Variants in PASD1 observed in about 807,000 individuals in gnomAD.
PASD1 encodes PAS domain containing repressor 1, also known as circadian clock protein PASD1.
PASD1 carries 13 observed loss-of-function variants against 58.8 expected under a neutral mutation model. The observed-to-expected ratio is 0.22, with a 90% CI of 0.14 to 0.35. The LOEUF (loss-of-function observed/expected upper bound fraction) is 0.35, where lower values mean the gene tolerates loss of function less well. Ranked by LOEUF, PASD1 falls within the 10% of genes least tolerant of loss-of-function variation. The probability of loss-of-function intolerance (pLI) is 1.00; values close to 1 mark genes in which losing one functional copy is unlikely to be tolerated. For missense variants in PASD1, 734 were observed against 568.3 expected (o/e 1.29, Z -2.96); for synonymous variants, 236 against 216.7 (o/e 1.09, Z -0.78).
chrX:151,625,412 C>A, intron 7 of PASD1, 36 bp from the exon 8 acceptor site: 1 of 1,056,169 alleles, frequency 9.5e-7, no homozygotes, highest in African/African-American at 1.8e-5. Flanking sequence ...TATTTATATA[C>A]ATATTAAATG....
intron 9 of PASD1, among the ~76,000 whole-genome samples, chrX:151,651,263 T>C (rs778952617): frequency 6.2e-5 from 7 of 112,245 alleles, no homozygotes; most frequent in Admixed American, 9.4e-5. Context: ...CTTCTCTTAA[T>C]GATGAGTGTA....
At chrX:151,650,606 A>G (rs1248495372) in intron 9 of PASD1, among the ~76,000 whole-genome samples, 1 of 111,774 alleles carries the variant, frequency 8.9e-6, no homozygotes, top group East Asian at 2.8e-4. Flanking sequence ...ATAATATTCC[A>G]TGAAATTGTG....
At chrX:151,644,016 G>A (rs2014028622) in intron 8 of PASD1, among the ~76,000 whole-genome samples, 1 of 111,464 alleles carries the variant, frequency 9.0e-6, no homozygotes, top group African/African-American at 3.3e-5. Context: ...AGATTATTGA[G>A]GGTGATGATG....
intron 1 of PASD1, 43 bp from the exon 2 acceptor site, chrX:151,601,484 T>C (rs2013415133): frequency 1.9e-6 from 2 of 1,032,063 alleles, no homozygotes; most frequent in African/African-American, 3.7e-5. Flanking sequence ...TGATTCACCA[T>C]AGACTGATCT....
intron 4 of PASD1, among the ~76,000 whole-genome samples, chrX:151,612,475 C>G (rs1206952512): frequency 1.8e-5 from 2 of 109,841 alleles, no homozygotes; most frequent in African/African-American, 6.6e-5. Context: ...CTCTCCAGCA[C>G]CTGTCGTTTC....
At chrX:151,627,863 C>T (rs1410502180) in intron 8 of PASD1, among the ~76,000 whole-genome samples, 2 of 111,379 alleles carry the variant, frequency 1.8e-5, no homozygotes, top group Non-Finnish European at 3.8e-5. Flanking sequence ...CTCTCCAGCA[C>T]CTGTTCTTTC....
Position 151,674,067 on chromosome X carries a change from C to G in PASD1, c.2056C>G (p.Pro686Ala). Residue 686 changes from proline (P) to alanine (A), a missense_variant, in exon 15 of 16, where the codon CCA becomes GCA. Transcript: ENST00000370357. ...CTCAACCATAAGCACCCTGGAGACC[C>G]CACAGGATTACATCCGGCTTTGGCA... is the stretch of plus-strand genomic sequence containing the variant. ...SDSTISTLET[P>A]QDYIRLWQEL... 1 of 1,211,889 alleles carries G rather than the reference C, an allele frequency of 8.3e-7. No individual in the cohort carries two copies. Among genetic ancestry groups the G allele is most frequent in the Non-Finnish European group, 1.1e-6 (1 of 895,415 alleles).
chrX:151,631,313 G>A (rs1437768880), intron 8 of PASD1, among the ~76,000 whole-genome samples: 1 of 111,652 alleles, frequency 9.0e-6, no homozygotes, highest in Non-Finnish European at 1.9e-5. Flanking sequence ...AGCTGTATTT[G>A]GGACCTAAGT....
chrX:151,666,046 T>C (rs2014374675), intron 11 of PASD1, among the ~76,000 whole-genome samples: 1 of 109,694 alleles, frequency 9.1e-6, no homozygotes, highest in Admixed American at 9.8e-5. Context: ...AAACAACAAC[T>C]TGTAGGGTAT....
At chrX:151,655,932 A>G (rs1162110614) in intron 9 of PASD1, among the ~76,000 whole-genome samples, 1 of 111,366 alleles carries the variant, frequency 9.0e-6, no homozygotes, top group Non-Finnish European at 1.9e-5. Flanking sequence ...CCTTGCCCAT[A>G]CCTATGTCCT....
chrX:151,573,187 G>A (rs1045770987), intron 1 of PASD1, among the ~76,000 whole-genome samples: 1 of 108,465 alleles, frequency 9.2e-6, no homozygotes, highest in Admixed American at 9.9e-5. Flanking sequence ...GGAGAAGACA[G>A]CACCAAGCCA....
intron 9 of PASD1, among the ~76,000 whole-genome samples, chrX:151,652,562 C>A (rs189622880): frequency 0.025 from 2,557 of 101,417 alleles, 81 homozygotes; most frequent in African/African-American, 0.074. Flanking sequence ...AACAAACAAA[C>A]AAAAAAAACT....
chrX:151,578,792 G>A (rs1016899693), intron 1 of PASD1, among the ~76,000 whole-genome samples: 1 of 112,385 alleles, frequency 8.9e-6, no homozygotes, highest in Non-Finnish European at 1.9e-5. Context: ...CACCTCGTTG[G>A]AGAGAAAGTG....
chrX:151,654,267 GC>G (rs2014209155), intron 9 of PASD1, among the ~76,000 whole-genome samples: 1 of 110,696 alleles, frequency 9.0e-6, no homozygotes, highest in Admixed American at 9.8e-5. Context: ...ATTGTGCCTA[GC>G]CAATGGTGTT....
At chrX:151,606,168 T>C (rs1663420565) in intron 3 of PASD1, among the ~76,000 whole-genome samples, 1 of 92,686 alleles carries the variant, frequency 1.1e-5, no homozygotes. Context: ...ATAACTTCCC[T>C]AGAAAAGTCT....
chrX:151,565,677 C>A (rs1004494444), intron 1 of PASD1, among the ~76,000 whole-genome samples: 2 of 108,824 alleles, frequency 1.8e-5, no homozygotes, highest in African/African-American at 6.7e-5. Context: ...CCTGCCTCAG[C>A]CTGCCAAGTA....
chrX:151,589,478 C>T (rs1181289023), intron 1 of PASD1, among the ~76,000 whole-genome samples: 2 of 112,098 alleles, frequency 1.8e-5, no homozygotes, highest in Non-Finnish European at 3.8e-5. Context: ...TATTAACAAT[C>T]GCTAATGAAA....
chrX:151,674,314 G>GACTAACTGCCGTCAAATGT, intron 15 of PASD1, 128 bp downstream of exon 15: 1 of 899,181 alleles, frequency 1.1e-6, no homozygotes, highest in Non-Finnish European at 1.5e-6. Context: ...CAGTACATTT[G>GACTAACTGCCGTCAAATGT]ACGGCAGTTA....
At chrX:151,621,684 A>C (rs2013713526) in intron 6 of PASD1, 92 bp downstream of exon 6, 1 of 528,766 alleles carries the variant, frequency 1.9e-6, no homozygotes, top group African/African-American at 2.5e-5. Context: ...TGGTACTTGC[A>C]AACTGTCTGA....
Sources: gnomAD v4.1 joint callset for allele counts (sites outside exome capture counted in the v4.1 genomes callset) on GRCh38, gnomAD v4.1.1 for gene constraint, MANE v1.5 for transcripts, NCBI Gene and HGNC (gene_info 2026-07-23, HGNC 2026-07-21) for gene names.